Variants in DNAH14 observed in about 807,000 individuals in gnomAD.
The protein encoded by DNAH14 is dynein axonemal heavy chain 14.
In DNAH14, 478 loss-of-function variants were observed where a neutral mutation model predicts 520.9. That is an observed-to-expected ratio of 0.92 (90% confidence interval 0.85 to 0.99). The LOEUF (loss-of-function observed/expected upper bound fraction) is 0.99, where lower values mean the gene tolerates loss of function less well. DNAH14 is among the 50% of genes least tolerant of loss of function. The pLI is 0.00. For missense variants in DNAH14, 4,831 were observed against 5,234.5 expected, an observed-to-expected ratio of 0.92 and a Z score of 2.38; for synonymous variants, 1,581 against 1,757.2, an observed-to-expected ratio of 0.90 and a Z score of 2.51.
At chr1:225,365,197 T>G (rs1234666034) in intron 76 of DNAH14, among the ~76,000 whole-genome samples, 1 of 152,240 alleles carries the variant, frequency 6.6e-6, no homozygotes, top group Non-Finnish European at 1.5e-5. Flanking sequence ...TCTCTAGCAT[T>G]TCTTATTTCT....
At chr1:224,980,087 C>G (rs1171073358) in intron 8 of DNAH14, among the ~76,000 whole-genome samples, 3 of 152,094 alleles carry the variant, frequency 2.0e-5, no homozygotes, top group Non-Finnish European at 4.4e-5. Context: ...TAGTGAGACT[C>G]CTTCTGCTTA....
At chr1:225,167,888 A>C in intron 35 of DNAH14, 51 bp from the exon 36 acceptor site, 1 of 1,059,430 alleles carries the variant, frequency 9.4e-7, no homozygotes, top group South Asian at 1.7e-5. Context: ...ATAAAAATTT[A>C]AGAGTTTCAT....
At chr1:225,227,466 T>C (rs185461832) in intron 41 of DNAH14, among the ~76,000 whole-genome samples, 1 of 152,266 alleles carries the variant, frequency 6.6e-6, no homozygotes, top group Admixed American at 6.5e-5. Context: ...TGGGGCTAGG[T>C]TTACAGATTA....
chr1:225,144,662 T>C (rs2079760358), intron 29 of DNAH14, 34 bp downstream of exon 29: 2 of 1,498,592 alleles, frequency 1.3e-6, no homozygotes, highest in African/African-American at 2.8e-5. Context: ...TAAAAACTTT[T>C]TTCTTTTTCT....
At chr1:225,376,155 G>T (rs1226023563) in intron 78 of DNAH14, among the ~76,000 whole-genome samples, 1 of 151,988 alleles carries the variant, frequency 6.6e-6, no homozygotes, top group East Asian at 1.9e-4. Context: ...GGCCAAATGT[G>T]GTGGCTCATG....
intron 36 of DNAH14, among the ~76,000 whole-genome samples, 185 bp from the exon 37 acceptor site, chr1:225,185,106 A>C (rs1209083540): frequency 2.6e-5 from 4 of 151,856 alleles, no homozygotes; most frequent in Admixed American, 2.0e-4. Flanking sequence ...ACACAAAATC[A>C]ATGTAAAAAA....
At chr1:225,118,886 C>CAAAAAAAA (rs35262847) in intron 25 of DNAH14, among the ~76,000 whole-genome samples, 3 of 74,622 alleles carry the variant, frequency 4.0e-5, no homozygotes, top group African/African-American at 1.3e-4. Context: ...CTCTCTGTCT[C>CAAAAAAAA]AAAAAAAAAA....
chr1:225,156,976 A>G lies in DNAH14; in HGVS notation c.5274-2338A>G, dbSNP rs1331508762. 2.2e-4 allele frequency among the ~76,000 whole-genome samples: 24 copies of G among 109,440 alleles called. 3 individuals are homozygous for G. Among genetic ancestry groups the G allele is most frequent in the African/African-American group, 9.4e-4 (24 of 25,650 alleles). 71.8% of individuals were successfully genotyped at this position (109,440 alleles called of 152,430 possible). A position where few individuals can be genotyped will look rare whatever the true frequency, so the allele number is the denominator to read the frequency against. On this transcript the variant is annotated intron_variant, in intron 34 of 85. Coordinates refer to ENST00000682510, the MANE Select transcript of DNAH14 (RefSeq NM_001367479.1). Reference sequence around the variant, plus strand: ...GTGATCCGCCCGCCTCGGCCTCCCGAAGTGCTGGGATTACAGGCGTGAGCC... The same window carrying G: ...GTGATCCGCCCGCCTCGGCCTCCCGGAGTGCTGGGATTACAGGCGTGAGCC...
intron 10 of DNAH14, among the ~76,000 whole-genome samples, chr1:225,017,979 G>A (rs1332181522): frequency 6.6e-6 from 1 of 152,230 alleles, no homozygotes; most frequent in East Asian, 1.9e-4. Flanking sequence ...AACAGACAGT[G>A]TAAGAACTCT....
intron 60 of DNAH14, 102 bp from the exon 61 acceptor site, chr1:225,318,481 G>T: frequency 9.4e-7 from 1 of 1,062,960 alleles, no homozygotes; most frequent in Non-Finnish European, 1.3e-6. Flanking sequence ...TATGGGCATT[G>T]TAAAAATATC....
chr1:225,397,768 G>A (rs6426069), intron 84 of DNAH14: 77,648 of 152,026 alleles, frequency 0.51, 22,223 homozygotes, highest in East Asian at 0.74. Flanking sequence ...GAACCCGGCC[G>A]GGCATGGTGG....
rs907246049 is a variant in DNAH14, at chr1:225,232,970, A to T, written c.6518+1819A>T. Among the ~76,000 whole-genome samples, 1 of 152,010 alleles carries T rather than the reference A, an allele frequency of 6.6e-6. No individual in the cohort carries two copies. The highest frequency in any genetic ancestry group is 6.6e-5 in the Admixed American group (1 of 15,250). ...CCCTTCCTCCCCTGACCACCACCCC[A>T]ACAGTCCCCAGTGTGTGTTGTTCCC... On this transcript the variant is annotated intron_variant, in intron 42 of 85. Transcript: ENST00000682510. The surrounding 1 kb of genome is among the most constrained non-coding windows in gnomAD (Gnocchi z 4.2).
intron 47 of DNAH14, among the ~76,000 whole-genome samples, chr1:225,264,702 G>A (rs564522943): frequency 3.6e-4 from 55 of 152,172 alleles, no homozygotes; most frequent in Non-Finnish European, 5.9e-4. Context: ...CTAGTTTTGG[G>A]AACAGCAACT....
intron 77 of DNAH14, among the ~76,000 whole-genome samples, chr1:225,371,592 TATA>T (rs1463058094): frequency 6.6e-5 from 10 of 152,186 alleles, no homozygotes; most frequent in African/African-American, 2.4e-4. Context: ...GAGATAAAAT[TATA>T]ATAATTCATA....
At chr1:225,221,894 T>TGACC (rs2090077711) in intron 41 of DNAH14, among the ~76,000 whole-genome samples, 1 of 152,214 alleles carries the variant, frequency 6.6e-6, no homozygotes, top group Non-Finnish European at 1.5e-5. Context: ...TGCTCTCAAT[T>TGACC]CAGGGGGTCA....
chr1:224,956,793 T>C (rs1031439046), intron 3 of DNAH14, among the ~76,000 whole-genome samples: 1 of 152,128 alleles, frequency 6.6e-6, no homozygotes, highest in Non-Finnish European at 1.5e-5. Flanking sequence ...TGGGCCAGAA[T>C]GTTTTAATCT....
Position 224,960,164 on chromosome 1 carries a change from G to A in DNAH14, c.229G>A (p.Glu77Lys). Residue 77 changes from glutamate to lysine, a missense_variant, in exon 4 of 86, where the codon GAA becomes AAA. Physicochemically the swap from Glu to Lys is moderately conservative, Grantham distance 56. Transcript: ENST00000682510. Reference protein sequence around the residue: ...KSEKTEDYLRESIIQQHMVSP... With the variant: ...KSEKTEDYLRKSIIQQHMVSP... Reference sequence around the variant, plus strand: ...GGTTTTATTTTCAGATTACCTTAGAGAAAGTATAATTCAACAACATATGGT... The same window carrying A: ...GGTTTTATTTTCAGATTACCTTAGAAAAAGTATAATTCAACAACATATGGT... The A allele has an allele frequency of 6.3e-7, 1 of 1,587,896 alleles. No homozygotes were observed. Among genetic ancestry groups the A allele is most frequent in the Non-Finnish European group, 8.5e-7 (1 of 1,170,824 alleles).
At chr1:225,243,889 TA>T (rs1423436111) in intron 43 of DNAH14, among the ~76,000 whole-genome samples, 1 of 151,794 alleles carries the variant, frequency 6.6e-6, no homozygotes, top group East Asian at 1.9e-4. Context: ...TTATGTTAAA[TA>T]GGAGTGGTGA....
chr1:225,067,594 G>A (rs1403787706), intron 17 of DNAH14, among the ~76,000 whole-genome samples: 2 of 152,126 alleles, frequency 1.3e-5, no homozygotes, highest in African/African-American at 4.8e-5. Context: ...CAGTGTATAA[G>A]TGTTCCTTTT....
Sources: allele counts gnomAD v4.1 joint callset (sites outside exome capture counted in the v4.1 genomes callset), GRCh38; gene constraint gnomAD v4.1.1; non-coding constraint Gnocchi (gnomAD v3.1); transcripts MANE v1.5; gene names NCBI Gene and HGNC (gene_info 2026-07-23, HGNC 2026-07-21).